The following UBE3C variants were observed in gnomAD, a reference collection of about 807,000 sequenced individuals.
UBE3C encodes the protein ubiquitin protein ligase E3C.
In UBE3C, 42 loss-of-function variants were observed where a neutral mutation model predicts 129.4. The observed-to-expected ratio is 0.32, with a 90% CI of 0.25 to 0.42. The LOEUF is 0.42. UBE3C is among the 10% of genes least tolerant of loss of function. UBE3C has a pLI of 1.00. For missense variants in UBE3C, 1,049 were observed against 1,319.1 expected (o/e 0.80, Z 3.17); for synonymous variants, 510 against 492.4 (o/e 1.04, Z -0.47).
At chr7:157,168,941 G>A (rs576063856) in intron 2 of UBE3C, 107 bp from the exon 3 acceptor site, 2 of 792,222 alleles carry the variant, frequency 2.5e-6, no homozygotes, top group East Asian at 5.3e-5. Context: ...GAATTTTATG[G>A]TATGTGAATT....
At chr7:157,141,660 A>G (rs1007887949) in intron 1 of UBE3C, among the ~76,000 whole-genome samples, 8 of 152,220 alleles carry the variant, frequency 5.3e-5, no homozygotes, top group African/African-American at 1.9e-4. Flanking sequence ...CGACAGACTG[A>G]GAGGTCATTA....
chr7:157,256,918 C>G lies in UBE3C; in HGVS notation c.2955C>G (p.Gly985=), dbSNP rs1796766884. 1 of 1,613,930 alleles carries G rather than the reference C, an allele frequency of 6.2e-7. No homozygotes were observed. Among genetic ancestry groups the G allele is most frequent in the Non-Finnish European group, 8.5e-7 (1 of 1,179,946 alleles). Reference sequence around the variant, plus strand: ...CATGTGTTCATTTTGCCATAGGAGGCTATTCTGCAGACCATCCTGTTATTA... The same window carrying G: ...CATGTGTTCATTTTGCCATAGGAGGGTATTCTGCAGACCATCCTGTTATTA... ...DLKSFTNYSG[G]YSADHPVIKV... is the part of the protein sequence containing the mutation. The change falls in exon 22 of 23, where the codon GGC becomes GGG. Residue 985 remains glycine, a synonymous_variant. Coordinates refer to ENST00000348165, the MANE Select transcript of UBE3C (RefSeq NM_014671.3).
At chr7:157,237,787 T>C (rs1359075993) in intron 18 of UBE3C, among the ~76,000 whole-genome samples, 1 of 152,030 alleles carries the variant, frequency 6.6e-6, no homozygotes, top group Non-Finnish European at 1.5e-5. Context: ...AGCTCATACC[T>C]GTAGTCCCAG....
intron 13 of UBE3C, among the ~76,000 whole-genome samples, chr7:157,209,149 AT>A (rs1456865049): frequency 9.2e-5 from 14 of 152,236 alleles, no homozygotes; most frequent in Non-Finnish European, 1.8e-4. Flanking sequence ...GGAAGGGCCC[AT>A]TAATGCTTGC....
chr7:157,171,557 A>C (rs1459721821), intron 4 of UBE3C, among the ~76,000 whole-genome samples: 1 of 151,050 alleles, frequency 6.6e-6, no homozygotes, highest in East Asian at 1.9e-4. Flanking sequence ...AGATGCATAG[A>C]AGAATAATTT....
intron 13 of UBE3C, among the ~76,000 whole-genome samples, chr7:157,210,382 T>G (rs1357816681): frequency 6.6e-6 from 1 of 152,168 alleles, no homozygotes; most frequent in Admixed American, 6.5e-5. Flanking sequence ...TAAAAATCAC[T>G]GCATAATTTT....
At chr7:157,162,089 A>G (rs1808086332) in intron 1 of UBE3C, among the ~76,000 whole-genome samples, 1 of 152,104 alleles carries the variant, frequency 6.6e-6, no homozygotes, top group East Asian at 1.9e-4. Context: ...AAAAGGATAG[A>G]AACTTTGATT....
intron 22 of UBE3C, among the ~76,000 whole-genome samples, chr7:157,265,529 G>A (rs957252412): frequency 2.6e-5 from 4 of 152,146 alleles, no homozygotes; most frequent in African/African-American, 7.2e-5. Flanking sequence ...AACCAGGTAC[G>A]TATTCATTGC....
intron 2 of UBE3C, 135 bp from the exon 3 acceptor site, chr7:157,168,913 T>C (rs1808292039): frequency 1.6e-6 from 1 of 638,620 alleles, no homozygotes; most frequent in African/African-American, 1.8e-5. Context: ...ATTTAGTGGG[T>C]GTTACCTTTT....
At chr7:157,228,391 G>T (rs1328754102) in intron 17 of UBE3C, among the ~76,000 whole-genome samples, 1 of 152,212 alleles carries the variant, frequency 6.6e-6, no homozygotes, top group Non-Finnish European at 1.5e-5. Context: ...TGTAAAGTGG[G>T]TAACAAAGTT....
At chr7:157,181,431 A>G (rs1399747238) in intron 6 of UBE3C, 87 bp from the exon 7 acceptor site, 1 of 1,213,154 alleles carries the variant, frequency 8.2e-7, no homozygotes, top group Non-Finnish European at 1.1e-6. Context: ...ACCTGTAGAG[A>G]TGGTTAAAAG....
intron 11 of UBE3C, among the ~76,000 whole-genome samples, chr7:157,205,411 G>A (rs964034087): frequency 6.6e-6 from 1 of 152,122 alleles, no homozygotes; most frequent in African/African-American, 2.4e-5. Flanking sequence ...TGTGTTGGTG[G>A]TGATGATTCT....
intron 18 of UBE3C, among the ~76,000 whole-genome samples, chr7:157,247,980 A>G (rs60535165): frequency 0.045 from 6,892 of 152,244 alleles, 375 homozygotes; most frequent in African/African-American, 0.12. Context: ...TGTGGTTTTC[A>G]GTCTCGCAGT....
chr7:157,229,010 T>C (rs1347041248), intron 17 of UBE3C, among the ~76,000 whole-genome samples: 1 of 152,108 alleles, frequency 6.6e-6, no homozygotes, highest in Non-Finnish European at 1.5e-5. Flanking sequence ...CTTGAGATGC[T>C]CCAGGGCAGA....
At chr7:157,171,399 A>G (rs1340505729) in intron 4 of UBE3C, among the ~76,000 whole-genome samples, 1 of 151,966 alleles carries the variant, frequency 6.6e-6, no homozygotes, top group Non-Finnish European at 1.5e-5. Context: ...AAGTGGTAGA[A>G]TTATAAGCAT....
At chr7:157,174,350 A>G (rs955875452) in intron 4 of UBE3C, among the ~76,000 whole-genome samples, 1 of 152,132 alleles carries the variant, frequency 6.6e-6, no homozygotes, top group African/African-American at 2.4e-5. Context: ...CAAGTGAACT[A>G]TTTTTGTTTC....
rs10553043 is a variant in UBE3C at position 157,269,095 on chromosome 7, ATAAAT to A, written c.*1344_*1348del. Reference sequence around the variant, plus strand: ...AATGTATAATTTCTTAATTTGAATAATAAATTAAGCGTTTAAATGCTATTTGTAGT... The same window carrying A: ...AATGTATAATTTCTTAATTTGAATAATAAGCGTTTAAATGCTATTTGTAGT... On this transcript the variant is annotated 3_prime_UTR_variant, in exon 23 of 23. Transcript: ENST00000348165. 720 of 152,782 alleles carry A rather than the reference ATAAAT, an allele frequency of 4.7e-3. 6 individuals are homozygous for A. The highest frequency in any genetic ancestry group is 0.016 in the African/African-American group (669 of 41,582). The allele number at this position is 152,782 out of a possible 1,614,324, so 9.5% of individuals were successfully genotyped here. A position where few individuals can be genotyped will look rare whatever the true frequency, so the allele number is the denominator to read the frequency against.
intron 17 of UBE3C, among the ~76,000 whole-genome samples, chr7:157,230,636 A>G (rs1351500618): frequency 6.7e-6 from 1 of 149,596 alleles, no homozygotes; most frequent in East Asian, 2.0e-4. Flanking sequence ...CGGAGGTTGC[A>G]GTGAGCTGAG....
intron 10 of UBE3C, among the ~76,000 whole-genome samples, chr7:157,188,213 G>A (rs953456924): frequency 3.9e-4 from 60 of 152,222 alleles, no homozygotes; most frequent in African/African-American, 1.2e-3. Context: ...GTTAATTCAC[G>A]TTACCCTACA....
Sources: gnomAD v4.1 joint callset for allele counts (sites outside exome capture counted in the v4.1 genomes callset) on GRCh38, gnomAD v4.1.1 for gene constraint, MANE v1.5 for transcripts, NCBI Gene and HGNC (gene_info 2026-07-23, HGNC 2026-07-21) for gene names.